Variants in ETFA observed in about 807,000 individuals in gnomAD.
ETFA encodes electron transfer flavoprotein subunit alpha.
Under a neutral mutation model 46.2 loss-of-function variants are expected in ETFA, and 22 were observed. The ratio of observed to expected loss-of-function variants is 0.48; its 90% confidence interval spans 0.34 to 0.68. The LOEUF is 0.68. ETFA is among the 30% of genes least tolerant of loss of function. The pLI is 0.01. For missense variants in ETFA, 345 were observed against 401.1 expected, an observed-to-expected ratio of 0.86 and a Z score of 1.19; for synonymous variants, 131 against 139.9, an observed-to-expected ratio of 0.94 and a Z score of 0.45.
intron 9 of ETFA, chr15:76,261,827 AACAATGCATAATATT>A: frequency 5.7e-6 from 1 of 175,600 alleles, no homozygotes; most frequent in Non-Finnish European, 1.2e-5. Context: ...TTTCTAAATG[AACAATGCATAATATT>A]ATAAAGTGGT....
In ETFA at chr15:76,292,423, C is replaced by T. The variant is rs374723922; in HGVS notation, c.351+8G>A. The T allele has an allele frequency of 4.4e-5, 70 of 1,601,478 alleles. No homozygotes were observed. Among genetic ancestry groups the T allele is most frequent in the Admixed American group, 8.3e-5 (5 of 59,998 alleles). On this transcript the variant is annotated splice_region_variant and intron_variant, in intron 4 of 11. Coordinates refer to ENST00000557943, the MANE Select transcript of ETFA (RefSeq NM_000126.4). ...TGATATCAGATTCCACATTCTCAACCTTCTCACCTTTCCGAAGGCAGATGC... is the reference window on the plus strand; with the variant it reads ...TGATATCAGATTCCACATTCTCAACTTTCTCACCTTTCCGAAGGCAGATGC...
At chr15:76,222,776 A>G (rs1180347569) in intron 11 of ETFA, among the ~76,000 whole-genome samples, 1 of 152,186 alleles carries the variant, frequency 6.6e-6, no homozygotes, top group Non-Finnish European at 1.5e-5. Flanking sequence ...ACATGGTAAC[A>G]AAGAGGAGTC....
intron 1 of ETFA, among the ~76,000 whole-genome samples, chr15:76,309,384 G>C (rs1265823006): frequency 1.3e-5 from 2 of 152,198 alleles, no homozygotes; most frequent in Non-Finnish European, 2.9e-5. Context: ...CCGGGAGGCG[G>C]AGCTTGCAGT....
intron 1 of ETFA, among the ~76,000 whole-genome samples, chr15:76,296,149 A>G (rs1285594798): frequency 2.0e-5 from 3 of 151,508 alleles, no homozygotes; most frequent in Admixed American, 6.6e-5. Flanking sequence ...GGGGTTTCAC[A>G]GTGTTAGCCA....
chr15:76,281,976 T>C (rs980136035), intron 8 of ETFA, among the ~76,000 whole-genome samples: 1 of 143,442 alleles, frequency 7.0e-6, no homozygotes, highest in African/African-American at 2.6e-5. Flanking sequence ...CAGTCTCAGC[T>C]TACTGCAACC....
intron 9 of ETFA, among the ~76,000 whole-genome samples, chr15:76,266,835 C>T (rs1004671173): frequency 3.3e-5 from 5 of 151,382 alleles, no homozygotes; most frequent in South Asian, 2.1e-4. Context: ...ACCTGGGAGG[C>T]GGAGCTTGCA....
intron 9 of ETFA, among the ~76,000 whole-genome samples, chr15:76,271,584 G>A (rs1385312942): frequency 1.3e-5 from 2 of 152,144 alleles, no homozygotes; most frequent in African/African-American, 2.4e-5. Flanking sequence ...ATATCCTTTT[G>A]CTATAAAGGA....
rs2038896148 is a variant in ETFA at position 76,216,382 on chromosome 15, T to C, written c.*177A>G. On this transcript the variant is annotated 3_prime_UTR_variant, in exon 12 of 12. Transcript: ENST00000557943. The stretch of plus-strand genomic sequence containing the variant: ...AATAATTGTTTGGAACCACAAATAA[T>C]TAAAAGGAAACACAGCAATCCCATA... 1 of 579,980 alleles carries C rather than the reference T, an allele frequency of 1.7e-6. No homozygotes were observed. The highest frequency in any genetic ancestry group is 3.0e-6 in the Non-Finnish European group (1 of 328,678). The allele number at this position is 579,980 out of a possible 1,614,324, so 35.9% of individuals were successfully genotyped here. A position where few individuals can be genotyped will look rare whatever the true frequency, so the allele number is the denominator to read the frequency against.
At chr15:76,238,070 A>C (rs1002115133) in intron 9 of ETFA, among the ~76,000 whole-genome samples, 7 of 152,340 alleles carry the variant, frequency 4.6e-5, no homozygotes, top group Admixed American at 1.3e-4. Context: ...TCATATTAAA[A>C]ATATAATACA....
intron 9 of ETFA, among the ~76,000 whole-genome samples, chr15:76,235,351 G>A (rs1367939734): frequency 6.6e-6 from 1 of 152,130 alleles, no homozygotes; most frequent in African/African-American, 2.4e-5. Flanking sequence ...CTGAAGGAGG[G>A]CACCACTCTT....
chr15:76,308,981 T>C (rs1213325940), intron 1 of ETFA, among the ~76,000 whole-genome samples: 1 of 152,250 alleles, frequency 6.6e-6, no homozygotes, highest in African/African-American at 2.4e-5. Context: ...GGAAGGGTTT[T>C]GAGATTTCTT....
chr15:76,304,123 A>C (rs958333570), intron 1 of ETFA, among the ~76,000 whole-genome samples: 8 of 152,210 alleles, frequency 5.3e-5, no homozygotes, highest in African/African-American at 1.4e-4. Flanking sequence ...AAAGAATGAG[A>C]TCATGTCCTT....
chr15:76,266,108 T>C (rs899095332), intron 9 of ETFA, among the ~76,000 whole-genome samples: 2 of 152,252 alleles, frequency 1.3e-5, no homozygotes, highest in Non-Finnish European at 2.9e-5. Context: ...AAATGGAGAA[T>C]GCTAACAGAT....
In ETFA at chr15:76,309,626, TTC is replaced by T. The variant is rs528193797; in HGVS notation, c.39+1722_39+1723del. 7.2e-5 allele frequency among the ~76,000 whole-genome samples: 11 copies of T among 152,354 alleles called. No homozygotes were observed. In the South Asian group the frequency reaches 2.3e-3, roughly 32 times the overall value. ...AAAATTACTTAATCATTCCATTTTT[TTC>T]TGTTAGCTCTACAAAATTACTGAGT... On this transcript the variant is annotated intron_variant, in intron 1 of 11. Transcript: ENST00000557943.
chr15:76,264,461 G>A (rs2039450396), intron 9 of ETFA, among the ~76,000 whole-genome samples: 1 of 152,198 alleles, frequency 6.6e-6, no homozygotes, highest in Admixed American at 6.5e-5. Flanking sequence ...TTATGGGCAT[G>A]GGAAAGGGTA....
At chr15:76,219,591 G>C (rs1257709834) in intron 11 of ETFA, among the ~76,000 whole-genome samples, 8 of 152,204 alleles carry the variant, frequency 5.3e-5, no homozygotes, top group Non-Finnish European at 1.2e-4. Context: ...TAAGTGTTTA[G>C]TATCCAGAAT....
At chr15:76,255,264 T>G (rs2039336856) in intron 9 of ETFA, among the ~76,000 whole-genome samples, 1 of 152,244 alleles carries the variant, frequency 6.6e-6, no homozygotes, top group African/African-American at 2.4e-5. Context: ...GCAAAGGAAG[T>G]GATGACTATT....
intron 5 of ETFA, among the ~76,000 whole-genome samples, chr15:76,287,154 A>G (rs934880276): frequency 6.6e-6 from 1 of 152,124 alleles, no homozygotes; most frequent in Non-Finnish European, 1.5e-5. Flanking sequence ...CTGAAGAGAC[A>G]CTGAAATGAA....
At chr15:76,277,631 T>A (rs913930350) in intron 8 of ETFA, among the ~76,000 whole-genome samples, 8 of 152,186 alleles carry the variant, frequency 5.3e-5, no homozygotes, top group African/African-American at 1.7e-4. Flanking sequence ...GCCTCCCAAG[T>A]AGCTGAGACT....
Sources: gnomAD v4.1 joint callset for allele counts (sites outside exome capture counted in the v4.1 genomes callset) on GRCh38, gnomAD v4.1.1 for gene constraint, MANE v1.5 for transcripts, NCBI Gene and HGNC (gene_info 2026-07-23, HGNC 2026-07-21) for gene names.